Variants in LRRC53 observed in about 807,000 individuals in gnomAD.
LRRC53 encodes leucine rich repeat containing 53, also known as leucine-rich repeat-containing protein 53.
LRRC53 carries 25 observed loss-of-function variants against 13.6 expected under a neutral mutation model. That is an observed-to-expected ratio of 1.83 (90% CI 1.34 to 2.56). LRRC53 has a LOEUF of 2.56. Among genes scored for constraint, LRRC53 ranks in the 30% most tolerant of loss-of-function variants. The probability of loss-of-function intolerance (pLI) is 0.00; values close to 1 mark genes in which losing one functional copy is unlikely to be tolerated. For missense variants in LRRC53, 527 were observed against 275.8 expected (o/e 1.91, Z -6.45); for synonymous variants, 204 against 109.8 (o/e 1.86, Z -5.37).
intron 1 of LRRC53, among the ~76,000 whole-genome samples, chr1:74,494,068 G>A (rs114597575): frequency 6.6e-6 from 1 of 152,146 alleles, no homozygotes; most frequent in African/African-American, 2.4e-5. Flanking sequence ...ACCCTGAAGA[G>A]TGCATACTTT....
the LRRC53 span, among the ~76,000 whole-genome samples, chr1:74,520,980 G>A: frequency 6.6e-6 from 1 of 152,122 alleles, no homozygotes; most frequent in African/African-American, 2.4e-5. Flanking sequence ...GGTCCCTGTG[G>A]CAGTGTAGGG....
intron 1 of LRRC53, among the ~76,000 whole-genome samples, chr1:74,512,303 T>C (rs1056443077): frequency 6.6e-6 from 1 of 152,186 alleles, no homozygotes; most frequent in East Asian, 1.9e-4. Context: ...GAGCTCCACC[T>C]TGAACCCAAG....
intron 4 of LRRC53, among the ~76,000 whole-genome samples, chr1:74,472,739 T>A (rs1041629985): frequency 2.0e-5 from 3 of 152,268 alleles, no homozygotes; most frequent in African/African-American, 7.2e-5. Context: ...TAATAAAATG[T>A]TCATTAAATA....
At chr1:74,513,272 T>A (rs1570725804), upstream of LRRC53, among the ~76,000 whole-genome samples, 1 of 152,320 alleles carries the variant, frequency 6.6e-6, no homozygotes, top group East Asian at 1.9e-4. Context: ...TATACCGGGA[T>A]GTGGAAATTT....
chr1:74,478,798 C>T lies in LRRC53; in HGVS notation c.904+1355G>A, dbSNP rs185234750. ...GATATCTATTAATTATCCACCAGTG[C>T]TAGTATTCTAAGAAGCACATTTAAG... is the stretch of plus-strand genomic sequence containing the variant. On this transcript the variant is annotated intron_variant, in intron 3 of 4. Transcript: ENST00000294635. 2.5e-4 allele frequency among the ~76,000 whole-genome samples: 38 copies of T among 152,320 alleles called. 1 individual carries two copies. Among genetic ancestry groups the T allele is most frequent in the Non-Finnish European group, 4.0e-4 (27 of 68,024 alleles).
chr1:74,504,732 C>A (rs1669803551), intron 1 of LRRC53, among the ~76,000 whole-genome samples: 1 of 151,964 alleles, frequency 6.6e-6, no homozygotes, highest in African/African-American at 2.4e-5. Flanking sequence ...AACATATCCA[C>A]CTGAGAGAGA....
chr1:74,495,156 G>T (rs537266872), intron 1 of LRRC53, among the ~76,000 whole-genome samples: 5 of 152,204 alleles, frequency 3.3e-5, no homozygotes, highest in African/African-American at 1.2e-4. Context: ...TCTGATAAGG[G>T]TGTATCTGTC....
chr1:74,499,194 A>C (rs1669483379), intron 1 of LRRC53, among the ~76,000 whole-genome samples: 1 of 152,150 alleles, frequency 6.6e-6, no homozygotes, highest in Non-Finnish European at 1.5e-5. Flanking sequence ...ACCATGTCTG[A>C]TTATTTATTA....
At chr1:74,528,231 G>T in the LRRC53 span, among the ~76,000 whole-genome samples, 1 of 152,156 alleles carries the variant, frequency 6.6e-6, no homozygotes, top group Admixed American at 6.5e-5. Context: ...TGGAGCATAA[G>T]GGTGGTGAAG....
At chr1:74,494,143 C>A (rs757348864) in intron 1 of LRRC53, among the ~76,000 whole-genome samples, 3 of 152,124 alleles carry the variant, frequency 2.0e-5, no homozygotes, top group Non-Finnish European at 2.9e-5. Context: ...AGCACCAAAG[C>A]ATTTGCACAC....
intron 2 of LRRC53, among the ~76,000 whole-genome samples, chr1:74,481,643 G>A (rs1206300238): frequency 3.3e-5 from 5 of 152,196 alleles, no homozygotes; most frequent in Non-Finnish European, 7.3e-5. Flanking sequence ...AGTCCATCAT[G>A]TGATGACAGG....
chr1:74,525,442 T>TCAGTC, the LRRC53 span, among the ~76,000 whole-genome samples: 3 of 152,134 alleles, frequency 2.0e-5, no homozygotes, highest in Non-Finnish European at 4.4e-5. Context: ...GAAAACTAGC[T>TCAGTC]CAGTCTGATT....
intron 1 of LRRC53, among the ~76,000 whole-genome samples, chr1:74,505,910 C>T (rs17095473): frequency 0.1 from 15,333 of 152,146 alleles, 2,046 homozygotes; most frequent in African/African-American, 0.31. Context: ...CATCTGCAAA[C>T]GAGTACAAAA....
Position 74,480,411 on chromosome 1 carries a change from A to G in LRRC53, c.646T>C (p.Trp216Arg). Reference protein sequence around the residue: ...LILLSLDKNQWSCTCDLHPLA... With the variant: ...LILLSLDKNQRSCTCDLHPLA... ...GGATGGAGATCACAAGTGCAGCTCC[A>G]CTGGTTCTTATCTAAGCTCAGAAGG... The change falls in exon 3 of 5, where the codon TGG becomes CGG. Residue 216 changes from tryptophan to arginine, a missense_variant. Trp to Arg is a moderately radical substitution (Grantham distance 101). Coordinates refer to ENST00000294635, the MANE Select transcript of LRRC53 (RefSeq NM_001382280.1). 1 of 717,576 alleles carries G rather than the reference A, an allele frequency of 1.4e-6. No individual in the cohort carries two copies. The highest frequency in any genetic ancestry group is 2.3e-4 in the Middle Eastern group (1 of 4,376). The allele number at this position is 717,576 out of a possible 1,614,324, so 44.5% of individuals were successfully genotyped here.
At chr1:74,502,676 T>C (rs1669695319) in intron 1 of LRRC53, among the ~76,000 whole-genome samples, 1 of 152,214 alleles carries the variant, frequency 6.6e-6, no homozygotes, top group East Asian at 1.9e-4. Context: ...CTATGGCCAA[T>C]AGCCTTTGAT....
intron 1 of LRRC53, among the ~76,000 whole-genome samples, chr1:74,509,113 G>GCTCT (rs1670053554): frequency 1.3e-5 from 2 of 152,076 alleles, no homozygotes; most frequent in Admixed American, 1.3e-4. Context: ...TATTCTCTTT[G>GCTCT]AGATAGTAGA....
rs1377499157 is a variant in LRRC53, at chr1:74,475,176, A to C, written c.1420+119T>G. On this transcript the variant is annotated intron_variant, in intron 4 of 4. Transcript: ENST00000294635. ...CACACACAGTATTTTTAGAAAAGGA[A>C]TAGACTAGTGCTATAGTGATTTTTA... 71 of 570,634 alleles carry C rather than the reference A, an allele frequency of 1.2e-4. No homozygotes were observed. In the East Asian group the frequency reaches 2.1e-3, roughly 17 times the overall value. 35.3% of individuals were successfully genotyped at this position (570,634 alleles called of 1,614,324 possible). A position where few individuals can be genotyped will look rare whatever the true frequency, so the allele number is the denominator to read the frequency against.
intron 1 of LRRC53, among the ~76,000 whole-genome samples, chr1:74,506,389 G>A (rs903065851): frequency 6.6e-6 from 1 of 152,152 alleles, no homozygotes; most frequent in Non-Finnish European, 1.5e-5. Flanking sequence ...CTAGTAAACA[G>A]CAGGGCCAAG....
rs1264209719 is a variant in LRRC53, at chr1:74,470,113, C to T, written c.3509G>A (p.Arg1170Lys). ...PEVNSNVHNF[R>K]EVQNIQPDKD... is the part of the protein sequence containing the mutation. Reference sequence around the variant, plus strand: ...ATCTGGTTGAATATTTTGAACTTCTCTAAAATTATGTACATTACTGTTAAC... The same window carrying T: ...ATCTGGTTGAATATTTTGAACTTCTTTAAAATTATGTACATTACTGTTAAC... Residue 1170 changes from arginine (R) to lysine (K), a missense_variant, in exon 5 of 5, where the codon AGA (arginine) becomes AAA (lysine). Arg to Lys is a conservative substitution (Grantham distance 26). Transcript: ENST00000294635. 4 of 400,566 alleles carry T rather than the reference C, an allele frequency of 1.0e-5. No homozygotes were observed. Among genetic ancestry groups the T allele is most frequent in the Non-Finnish European group, 1.8e-5 (4 of 226,154 alleles). 24.8% of individuals were successfully genotyped at this position (400,566 alleles called of 1,614,324 possible).
Sources: gnomAD v4.1 joint callset for allele counts (sites outside exome capture counted in the v4.1 genomes callset) on GRCh38, gnomAD v4.1.1 for gene constraint, MANE v1.5 for transcripts, NCBI Gene and HGNC (gene_info 2026-07-23, HGNC 2026-07-21) for gene names.